The following ANKRD36 variants were observed in gnomAD, a reference collection of about 807,000 sequenced individuals.
The protein encoded by ANKRD36 is ankyrin repeat domain 36.
In ANKRD36, 179 loss-of-function variants were observed where a neutral mutation model predicts 278.1. The observed-to-expected ratio is 0.64, with a 90% CI of 0.57 to 0.73. The LOEUF is 0.73. ANKRD36 is among the 30% of genes least tolerant of loss of function. The pLI, the probability that ANKRD36 is intolerant of heterozygous loss-of-function variation, is 0.00. For missense variants in ANKRD36, 1,159 were observed against 1,956.7 expected, an observed-to-expected ratio of 0.59 and a Z score of 7.69; for synonymous variants, 320 against 641.1, an observed-to-expected ratio of 0.50 and a Z score of 7.57.
intron 67 of ANKRD36, among the ~76,000 whole-genome samples, chr2:97,233,483 C>A (rs910634531): frequency 1.3e-5 from 2 of 151,852 alleles, no homozygotes; most frequent in African/African-American, 4.8e-5. Flanking sequence ...AATCTTTGTT[C>A]CTTAATTAAC....
chr2:97,244,102 C>T lies in ANKRD36; in HGVS notation c.4491+73C>T, dbSNP rs372437438. 5.1e-5 allele frequency: 79 copies of T among 1,538,984 alleles called. 3 individuals carry two copies. The South Asian group carries it at 7.7e-4, about 15-fold the overall frequency. On this transcript the variant is annotated intron_variant, in intron 70 of 75. Coordinates refer to ENST00000420699, the MANE Select transcript of ANKRD36 (RefSeq NM_001354587.1). ...TACTTATACCATCTCTTTCATTTAA[C>T]GTATATTATTTAGGCCTGAACAATC...
At chr2:97,260,698 T>C (rs1225885716) in intron 75 of ANKRD36, among the ~76,000 whole-genome samples, 1 of 112,924 alleles carries the variant, frequency 8.9e-6, no homozygotes, top group East Asian at 4.3e-4. Context: ...TGACTTCTCC[T>C]CTATAGCTGT....
At chr2:97,240,109 G>GT (rs558152983) in intron 68 of ANKRD36, among the ~76,000 whole-genome samples, 20,739 of 87,454 alleles carry the variant, frequency 0.24, 2,632 homozygotes, top group African/African-American at 0.52. Flanking sequence ...TATGGTTTGT[G>GT]TTTTTTTAAA....
intron 67 of ANKRD36, among the ~76,000 whole-genome samples, chr2:97,231,303 A>T (rs1305053110): frequency 6.6e-6 from 1 of 152,076 alleles, no homozygotes; most frequent in African/African-American, 2.4e-5. Context: ...ACCCAGTTCA[A>T]GCTGCTTTGT....
Position 97,196,870 on chromosome 2 carries a change from T to A in ANKRD36, c.2653+82T>A. 2.6e-6 allele frequency: 4 copies of A among 1,526,236 alleles called. No homozygotes were observed. In the South Asian group the frequency reaches 4.9e-5, roughly 19 times the overall value. 94.5% of individuals were successfully genotyped at this position (1,526,236 alleles called of 1,614,324 possible). A position where few individuals can be genotyped will look rare whatever the true frequency, so the allele number is the denominator to read the frequency against. On this transcript the variant is annotated intron_variant, in intron 42 of 75. Transcript: ENST00000420699. ...TTCCCCAAATAAATCAGCGGGGGGC[T>A]CATCGAAGCTGCACTTTCTGATTCA...
At chr2:97,114,670 TA>T (rs1379169030) in intron 1 of ANKRD36, among the ~76,000 whole-genome samples, 3 of 120,324 alleles carry the variant, frequency 2.5e-5, no homozygotes, top group Admixed American at 1.8e-4. Flanking sequence ...ATTCTTTGGA[TA>T]AAAATCCAAT....
At position 97,158,582 on chromosome 2, in the gene ANKRD36, C is replaced by T; in HGVS notation, c.1322-6C>T. 1.3e-6 allele frequency: 2 copies of T among 1,535,462 alleles called. No individual in the cohort carries two copies. Among genetic ancestry groups the T allele is most frequent in the Non-Finnish European group, 1.7e-6 (2 of 1,146,522 alleles). On this transcript the variant is annotated splice_region_variant and splice_polypyrimidine_tract_variant and intron_variant, in intron 16 of 75. Transcript: ENST00000420699. ...TCATCTACTCTTGACTTTGTTTTTA[C>T]TGTAGTAGATGCTGCATGTGGCATT...
chr2:97,195,111 C>T (rs1400796498), intron 40 of ANKRD36, among the ~76,000 whole-genome samples, 194 bp downstream of exon 40: 1 of 151,978 alleles, frequency 6.6e-6, no homozygotes, highest in Non-Finnish European at 1.5e-5. Context: ...AGATTATACG[C>T]ATCCCCACAT....
rs74372171 is a variant in ANKRD36, at chr2:97,185,500, G to A, written c.2031G>A (p.Gln677=). The A allele has an allele frequency of 5.6e-6, 9 of 1,610,572 alleles. No homozygotes were observed. Among genetic ancestry groups the A allele is most frequent in the African/African-American group, 4.0e-5 (3 of 74,672 alleles). Residue 677 remains glutamine (Q), a synonymous_variant, in exon 30 of 76, where the codon CAG becomes CAA. Transcript: ENST00000420699. ...CTACAGAAATAAAGGATGGACTACA[G>A]TGTGGGACAGGTAATTTTGCAAAAC... ...NIATEIKDGL[Q]CGTVSSQKQP...
In ANKRD36 at chr2:97,113,296, GT is replaced by G. The variant is rs2034078032; in HGVS notation, c.-443del. ...GCGAAGTGGGGCTGTGGGCCCAGCG[GT>G]GGCACCAGGCGGAGAAGCACCACTC... is the stretch of plus-strand genomic sequence containing the variant. On this transcript the variant is annotated 5_prime_UTR_variant, in exon 1 of 76. Coordinates refer to ENST00000420699, the MANE Select transcript of ANKRD36 (RefSeq NM_001354587.1). 6.6e-6 allele frequency among the ~76,000 whole-genome samples: 1 copy of G among 152,172 alleles called. No individual in the cohort carries two copies. Among genetic ancestry groups the G allele is most frequent in the Non-Finnish European group, 1.5e-5 (1 of 68,036 alleles).
At chr2:97,188,504 G>A (rs1162060609) in intron 32 of ANKRD36, among the ~76,000 whole-genome samples, 1 of 151,190 alleles carries the variant, frequency 6.6e-6, no homozygotes, top group Admixed American at 6.7e-5. Context: ...TACACCACAT[G>A]GGGGTGAGAG....
intron 66 of ANKRD36, among the ~76,000 whole-genome samples, chr2:97,220,086 T>TTTC (rs1553459212): frequency 7.8e-6 from 1 of 127,678 alleles, no homozygotes; most frequent in Non-Finnish European, 1.5e-5. Flanking sequence ...TGTGTGTGTG[T>TTTC]TTTATTTTTT....
At chr2:97,217,785 C>G (rs1294723856) in intron 64 of ANKRD36, among the ~76,000 whole-genome samples, 1 of 151,568 alleles carries the variant, frequency 6.6e-6, no homozygotes, top group African/African-American at 2.4e-5. Flanking sequence ...CCCATAAACA[C>G]TGGAGAATGA....
At chr2:97,178,453 A>T (rs2055018533) in intron 22 of ANKRD36, among the ~76,000 whole-genome samples, 1 of 151,866 alleles carries the variant, frequency 6.6e-6, no homozygotes, top group Admixed American at 6.6e-5. Flanking sequence ...GATAGACTGG[A>T]TTAAGAAAAT....
Position 97,233,758 on chromosome 2 carries a change from AC to A in ANKRD36, c.3982del (p.Asp1329MetfsTer3). On this transcript the variant is annotated frameshift_variant, in exon 68 of 76. Transcript: ENST00000420699. LOFTEE classifies it high-confidence loss of function. ...AAAAACCAAATACATTCTAGGGATGACCTTGATGACATAATTCAGTCATCTC... is the reference window on the plus strand; with the variant it reads ...AAAAACCAAATACATTCTAGGGATGACTTGATGACATAATTCAGTCATCTC... ...QVKNQIHSRDDLDDIIQSSQT... is the reference protein window; with the variant it reads ...QVKNQIHSRDXLDDIIQSSQT... 1 of 1,505,524 alleles carries A rather than the reference AC, an allele frequency of 6.6e-7. No individual in the cohort carries two copies. The allele number at this position is 1,505,524 out of a possible 1,614,324, so 93.3% of individuals were successfully genotyped here.
intron 46 of ANKRD36, 35 bp downstream of exon 46, chr2:97,200,560 G>A (rs1432414997): frequency 6.5e-7 from 1 of 1,541,126 alleles, no homozygotes; most frequent in East Asian, 2.4e-5. Context: ...GTCATGTTCA[G>A]TCCAGATAAG....
rs751647484 is a variant in ANKRD36, at chr2:97,211,736, G to T, written c.3464G>T (p.Gly1155Val). The T allele has an allele frequency of 1.3e-6, 2 of 1,580,576 alleles. No individual in the cohort carries two copies. The highest frequency in any genetic ancestry group is 1.4e-5 in the African/African-American group (1 of 74,008). ...ATEKKDEQIS[G>V]TVSCQKQPAL... ...GAAAAAAAGGATGAACAAATATCTG[G>T]GACAGGTAATTTTGCAAACACATTT... The change falls in exon 58 of 76, where the codon GGG becomes GTG. Residue 1155 changes from glycine (G) to valine (V), a missense_variant. Transcript: ENST00000420699.
chr2:97,206,404 A>G lies in ANKRD36; in HGVS notation c.3163+269A>G, dbSNP rs2062860995. Among the ~76,000 whole-genome samples, 6 of 151,476 alleles carry G rather than the reference A, an allele frequency of 4.0e-5. 1 individual carries two copies. The Admixed American group carries it at 4.0e-4, about 10-fold the overall frequency. ...GACATAAGGGTCTCTGGGGAACAGC[A>G]TAGTTTTGCTTTAATCCTCCAGCTT... On this transcript the variant is annotated intron_variant, in intron 52 of 75. Transcript: ENST00000420699.
Position 97,149,356 on chromosome 2 carries a change from T to C in ANKRD36, c.1096T>C (p.Ser366Pro). The change falls in exon 12 of 76, where the codon TCT becomes CCT. Residue 366 changes from serine to proline, a missense_variant. By Grantham distance (74) the Ser-to-Pro change is moderately conservative (BLOSUM62 -1). Transcript: ENST00000420699. ...GACAGAGAATGAGTTTTCTTTGGAATCTGAGGTAGAGTACTCTCTTGTGAA... is the reference window on the plus strand; with the variant it reads ...GACAGAGAATGAGTTTTCTTTGGAACCTGAGGTAGAGTACTCTCTTGTGAA... ...PVTENEFSLESEIISKLYIPK... is the reference protein window; with the variant it reads ...PVTENEFSLEPEIISKLYIPK... 1 of 1,532,938 alleles carries C rather than the reference T, an allele frequency of 6.5e-7. No homozygotes were observed. The highest frequency in any genetic ancestry group is 8.7e-7 in the Non-Finnish European group (1 of 1,144,612). 95.0% of individuals were successfully genotyped at this position (1,532,938 alleles called of 1,614,324 possible).
Sources: allele counts gnomAD v4.1 joint callset (sites outside exome capture counted in the v4.1 genomes callset), GRCh38; gene constraint gnomAD v4.1.1; transcripts MANE v1.5; gene names NCBI Gene and HGNC (gene_info 2026-07-23, HGNC 2026-07-21).